Variants in PREX2 observed in about 807,000 individuals in gnomAD.
PREX2 encodes the protein phosphatidylinositol 3,4,5-trisphosphate-dependent Rac exchanger 2 protein.
Under a neutral mutation model 203.2 loss-of-function variants are expected in PREX2, and 107 were observed. The observed-to-expected ratio is 0.53, with a 90% confidence interval of 0.45 to 0.62. The LOEUF (loss-of-function observed/expected upper bound fraction) is 0.62, where lower values mean the gene tolerates loss of function less well. PREX2 is among the 20% of genes least tolerant of loss of function. PREX2 has a pLI of 0.00. For missense variants in PREX2, 1,777 were observed against 1,955.9 expected, an observed-to-expected ratio of 0.91 and a Z score of 1.72; for synonymous variants, 672 against 663.6, an observed-to-expected ratio of 1.01 and a Z score of -0.19.
chr8:68,115,663 A>G (rs908689478), intron 25 of PREX2, 90 bp from the exon 26 acceptor site: 4 of 806,984 alleles, frequency 5.0e-6, no homozygotes, highest in Non-Finnish European at 7.4e-6. Context: ...CTCTAGAAAT[A>G]TTTGTAAGCC....
chr8:68,128,284 A>C (rs1192846990), intron 31 of PREX2, among the ~76,000 whole-genome samples: 1 of 152,256 alleles, frequency 6.6e-6, no homozygotes, highest in African/African-American at 2.4e-5. Flanking sequence ...AAATTCTATT[A>C]CATTAACTAG....
At chr8:68,149,859 T>C (rs1040310014) in intron 34 of PREX2, among the ~76,000 whole-genome samples, 3 of 152,228 alleles carry the variant, frequency 2.0e-5, no homozygotes, top group African/African-American at 7.2e-5. Flanking sequence ...GTGTGGATTA[T>C]GAAACGCTGT....
chr8:68,018,563 G>A (rs1228772392), intron 2 of PREX2, among the ~76,000 whole-genome samples: 1 of 152,110 alleles, frequency 6.6e-6, no homozygotes, highest in East Asian at 1.9e-4. Context: ...GATTGTTAGA[G>A]GTGGCTCAGG....
intron 1 of PREX2, among the ~76,000 whole-genome samples, chr8:67,976,682 A>AGGAGAGAGACAGAGAGAGAGAGACG (rs1806115354): frequency 1.7e-5 from 1 of 60,206 alleles, no homozygotes; most frequent in Non-Finnish European, 3.5e-5. Context: ...AGAGAGAGAC[A>AGGAGAGAGACAGAGAGAGAGAGACG]GGAGAGAGAC....
intron 23 of PREX2, among the ~76,000 whole-genome samples, chr8:68,106,798 G>C (rs1247780139): frequency 6.6e-6 from 1 of 152,028 alleles, no homozygotes; most frequent in Non-Finnish European, 1.5e-5. Flanking sequence ...TAAATAGATA[G>C]GATCATGGTT....
chr8:68,023,115 C>A (rs1013887152), intron 4 of PREX2, among the ~76,000 whole-genome samples: 2 of 152,062 alleles, frequency 1.3e-5, no homozygotes, highest in Non-Finnish European at 1.5e-5. Flanking sequence ...TTTGAATGGA[C>A]CTAATGTTTT....
chr8:68,149,865 G>A (rs1385911709), intron 34 of PREX2, among the ~76,000 whole-genome samples: 1 of 152,182 alleles, frequency 6.6e-6, no homozygotes, highest in Non-Finnish European at 1.5e-5. Flanking sequence ...ATTATGAAAC[G>A]CTGTGCAATT....
At chr8:68,212,386 A>G (rs923391794) in intron 37 of PREX2, among the ~76,000 whole-genome samples, 1 of 152,196 alleles carries the variant, frequency 6.6e-6, no homozygotes, top group Non-Finnish European at 1.5e-5. Context: ...TCATCAAAAG[A>G]GATGGGACTT....
At chr8:68,092,205 A>G (rs9298127) in intron 20 of PREX2, among the ~76,000 whole-genome samples, 67,282 of 151,894 alleles carry the variant, frequency 0.44, 15,402 homozygotes, top group African/African-American at 0.56. Context: ...TTCTACTTAG[A>G]TTGTACTTGC....
intron 1 of PREX2, 100 bp downstream of exon 1, chr8:67,952,635 C>G (rs1178537097): frequency 6.7e-7 from 1 of 1,495,032 alleles, no homozygotes; most frequent in Non-Finnish European, 9.1e-7. Flanking sequence ...TGTGCGGGGA[C>G]CCGGGACGGG....
chr8:68,165,839 C>T (rs1811749976), intron 35 of PREX2, among the ~76,000 whole-genome samples: 1 of 152,072 alleles, frequency 6.6e-6, no homozygotes, highest in Non-Finnish European at 1.5e-5. Context: ...GGTCCACTTT[C>T]CTAGATATTT....
chr8:68,131,795 C>T (rs16934211), intron 31 of PREX2, among the ~76,000 whole-genome samples: 17,154 of 152,110 alleles, frequency 0.11, 1,247 homozygotes, highest in East Asian at 0.2. Context: ...TGAAAGCTTA[C>T]AGTGCAGATC....
chr8:68,065,419 C>T (rs766290019), intron 11 of PREX2, among the ~76,000 whole-genome samples: 2 of 152,084 alleles, frequency 1.3e-5, no homozygotes, highest in South Asian at 2.1e-4. Context: ...GGCTTTTTTA[C>T]GTATGACTTG....
At chr8:68,105,500 A>T in intron 23 of PREX2, 1 of 1,158,652 alleles carries the variant, frequency 8.6e-7, no homozygotes, top group Non-Finnish European at 1.1e-6. Context: ...CTAGCAAGAG[A>T]ATCTTCTGCC....
At position 68,236,906 on chromosome 8, in the gene PREX2, G is replaced by A. The variant is rs1447775486; in HGVS notation, c.*5528G>A. On this transcript the variant is annotated 3_prime_UTR_variant, in exon 40 of 40. Coordinates refer to ENST00000288368, the MANE Select transcript of PREX2 (RefSeq NM_024870.4). ...TAGCTTCCATTACTCCATATTTTAT[G>A]TATGGTTAAAATTATCAAAGTGCAT... 1 of 151,788 alleles carries A rather than the reference G, an allele frequency of 6.6e-6. No homozygotes were observed. Among genetic ancestry groups the A allele is most frequent in the Non-Finnish European group, 1.5e-5 (1 of 67,938 alleles). 9.4% of individuals were successfully genotyped at this position (151,788 alleles called of 1,614,324 possible).
At position 68,191,103 on chromosome 8, in the gene PREX2, A is replaced by G. The variant is rs181587856; in HGVS notation, c.4347-619A>G. 2.6e-5 allele frequency among the ~76,000 whole-genome samples: 4 copies of G among 152,242 alleles called. No individual in the cohort carries two copies. In the East Asian group the frequency reaches 7.7e-4, roughly 29 times the overall value. On this transcript the variant is annotated intron_variant, in intron 35 of 39. Transcript: ENST00000288368. The stretch of plus-strand genomic sequence containing the variant: ...AAGTGTATTAGGCCACTAGGATTCC[A>G]CTTTGTGTGTTGAAATAGTCATTAC...
At chr8:68,075,553 C>T (rs2129611750) in intron 14 of PREX2, among the ~76,000 whole-genome samples, 1 of 152,282 alleles carries the variant, frequency 6.6e-6, no homozygotes, top group Middle Eastern at 3.4e-3. Flanking sequence ...ATATCTGCCT[C>T]ATTGGGAATA....
intron 1 of PREX2, among the ~76,000 whole-genome samples, chr8:68,015,236 A>G (rs988058254): frequency 6.6e-6 from 1 of 152,204 alleles, no homozygotes; most frequent in Non-Finnish European, 1.5e-5. Flanking sequence ...TAGCTTTAGG[A>G]AGGAAGATTT....
At chr8:68,059,982 G>A (rs571319068) in intron 10 of PREX2, among the ~76,000 whole-genome samples, 14 of 152,226 alleles carry the variant, frequency 9.2e-5, no homozygotes, top group Admixed American at 2.6e-4. Context: ...TGCTTCAAAG[G>A]GTTCCACTCC....
Sources: allele counts gnomAD v4.1 joint callset (sites outside exome capture counted in the v4.1 genomes callset), GRCh38; gene constraint gnomAD v4.1.1; transcripts MANE v1.5; gene names NCBI Gene and HGNC (gene_info 2026-07-23, HGNC 2026-07-21).